GALNTL6: variants seen among roughly 807,000 people sequenced by gnomAD.
GALNTL6 encodes the protein polypeptide N-acetylgalactosaminyltransferase like 6.
Under a neutral mutation model 73.7 loss-of-function variants are expected in GALNTL6, and 46 were observed. The observed-to-expected ratio is 0.62, with a 90% CI of 0.49 to 0.80. The LOEUF is 0.80. Ranked by LOEUF, GALNTL6 falls within the 30% of genes least tolerant of loss-of-function variation. GALNTL6 has a pLI of 0.00. For synonymous variants in GALNTL6, 259 were observed against 263.7 expected (o/e 0.98, Z 0.17); for missense variants, 604 against 755.0 (o/e 0.80, Z 2.34).
At chr4:173,022,074 G>GGAAGGAAAGAAGGAAGGAAGGAAA (rs1561091693) in intron 12 of GALNTL6, among the ~76,000 whole-genome samples, 27 of 107,596 alleles carry the variant, frequency 2.5e-4, no homozygotes, top group African/African-American at 5.0e-4. Context: ...AAGGAAGGAA[G>GGAAGGAAAGAAGGAAGGAAGGAAA]GAAGGAAGGA....
Position 172,882,828 on chromosome 4 carries a change from G to A in GALNTL6, c.962G>A (p.Arg321Gln), listed in dbSNP as rs752243982. 2.0e-5 allele frequency: 33 copies of A among 1,612,800 alleles called. No individual in the cohort carries two copies. The highest frequency in any genetic ancestry group is 8.9e-5 in the East Asian group (4 of 44,860). Reference sequence around the variant, plus strand: ...GCTGGAGGTCTCTTTGCTGTGGATCGGAAATGGTTTTGGGAATTGGGTGGC... The same window carrying A: ...GCTGGAGGTCTCTTTGCTGTGGATCAGAAATGGTTTTGGGAATTGGGTGGC... ...VMAGGLFAVD[R>Q]KWFWELGGYD... Residue 321 changes from arginine to glutamine, a missense_variant, in exon 8 of 13, where the codon CGG becomes CAG. Physicochemically the swap from Arg to Gln is conservative, Grantham distance 43 (BLOSUM62 1). Around this residue, in one of 5 missense-constraint regions of GALNTL6, gnomAD observed 179 missense variants for 230.8 expected, o/e 0.78. Transcript: ENST00000506823.
chr4:172,762,156 A>C (rs1738146304), intron 5 of GALNTL6, among the ~76,000 whole-genome samples: 2 of 152,162 alleles, frequency 1.3e-5, no homozygotes, highest in Admixed American at 6.5e-5. Context: ...AAATTGGAGC[A>C]CTCTTATTTT....
At chr4:172,296,456 C>T (rs984500516) in intron 3 of GALNTL6, among the ~76,000 whole-genome samples, 5 of 152,136 alleles carry the variant, frequency 3.3e-5, no homozygotes, top group African/African-American at 4.8e-5. Flanking sequence ...TGGTGTGCTG[C>T]ACCCGTTAAC....
chr4:172,362,305 A>G (rs1742397702), intron 5 of GALNTL6, among the ~76,000 whole-genome samples: 1 of 152,178 alleles, frequency 6.6e-6, no homozygotes, highest in South Asian at 2.1e-4. Context: ...AACTCTTTAT[A>G]TGAGGATTTA....
rs571078374 is a variant in GALNTL6, at chr4:172,100,911, A to T, written c.139-128745A>T. Among the ~76,000 whole-genome samples, 296 of 152,306 alleles carry T rather than the reference A, an allele frequency of 1.9e-3. 1 individual carries two copies. The highest frequency in any genetic ancestry group is 6.7e-3 in the African/African-American group (277 of 41,574). ...AGGAGGGTGGAAATTCAGGGCAATT[A>T]GAAGATTCATTAAAATCTCGGGGCA... On this transcript the variant is annotated intron_variant, in intron 2 of 12. Transcript: ENST00000506823.
chr4:172,006,567 C>T (rs1740849621), intron 2 of GALNTL6, among the ~76,000 whole-genome samples: 1 of 151,970 alleles, frequency 6.6e-6, no homozygotes, highest in South Asian at 2.1e-4. Context: ...GTTGAGGCTG[C>T]AGTGAGCCTT....
intron 2 of GALNTL6, among the ~76,000 whole-genome samples, chr4:172,042,764 A>C (rs1193104271): frequency 6.8e-6 from 1 of 146,988 alleles, no homozygotes; most frequent in Non-Finnish European, 1.5e-5. Context: ...GACTATTCTG[A>C]TAGCCAACTC....
intron 5 of GALNTL6, among the ~76,000 whole-genome samples, chr4:172,741,801 A>C (rs1736821805): frequency 6.6e-6 from 1 of 152,026 alleles, no homozygotes; most frequent in Admixed American, 6.6e-5. Flanking sequence ...TCCGCCTAAG[A>C]ATAGAAGACA....
At chr4:172,049,232 A>AT (rs931070520) in intron 2 of GALNTL6, among the ~76,000 whole-genome samples, 5 of 146,184 alleles carry the variant, frequency 3.4e-5, no homozygotes, top group Non-Finnish European at 3.0e-5. Flanking sequence ...TGAAATAAAA[A>AT]TTTTTTTTTA....
intron 2 of GALNTL6, among the ~76,000 whole-genome samples, chr4:172,176,700 G>A (rs1028183249): frequency 1.8e-4 from 27 of 152,020 alleles, no homozygotes; most frequent in Non-Finnish European, 3.2e-4. Context: ...GAGGGAGGAG[G>A]ATCGCTGGAG....
intron 3 of GALNTL6, among the ~76,000 whole-genome samples, chr4:172,294,349 C>G (rs1739586477): frequency 6.6e-6 from 1 of 152,020 alleles, no homozygotes; most frequent in Admixed American, 6.6e-5. Flanking sequence ...ATTGTATTGC[C>G]CATTTTCTTA....
At chr4:171,942,241 G>GATACATAA (rs1370018816) in intron 2 of GALNTL6, among the ~76,000 whole-genome samples, 17 of 30,206 alleles carry the variant, frequency 5.6e-4, no homozygotes, top group African/African-American at 8.5e-4. Context: ...AAAATAAATA[G>GATACATAA]ATAAATAAAT....
At chr4:172,878,564 T>C (rs1229962022) in intron 7 of GALNTL6, among the ~76,000 whole-genome samples, 1 of 151,716 alleles carries the variant, frequency 6.6e-6, no homozygotes, top group African/African-American at 2.4e-5. Flanking sequence ...CAACATAAAT[T>C]GCAATAAAAG....
intron 5 of GALNTL6, among the ~76,000 whole-genome samples, chr4:172,497,800 A>T (rs550427726): frequency 6.6e-6 from 1 of 152,176 alleles, no homozygotes; most frequent in Admixed American, 6.5e-5. Flanking sequence ...GGTGATTACC[A>T]TGTTCTAAGT....
intron 5 of GALNTL6, among the ~76,000 whole-genome samples, chr4:172,454,186 C>G (rs1380029610): frequency 6.6e-6 from 1 of 152,140 alleles, no homozygotes; most frequent in Non-Finnish European, 1.5e-5. Flanking sequence ...TTTACTGTAG[C>G]TTGGGAATTA....
intron 7 of GALNTL6, among the ~76,000 whole-genome samples, chr4:172,871,446 T>C (rs1469710258): frequency 6.6e-6 from 1 of 151,932 alleles, no homozygotes; most frequent in Non-Finnish European, 1.5e-5. Flanking sequence ...ATGGCTATAC[T>C]GATCTACTTT....
chr4:171,947,818 A>G (rs1738750286), intron 2 of GALNTL6, among the ~76,000 whole-genome samples: 1 of 152,214 alleles, frequency 6.6e-6, no homozygotes. Context: ...GTGACGCACC[A>G]GAGCCCTATC....
chr4:172,976,108 C>T (rs1750798918), intron 10 of GALNTL6, among the ~76,000 whole-genome samples: 1 of 152,144 alleles, frequency 6.6e-6, no homozygotes, highest in African/African-American at 2.4e-5. Flanking sequence ...GTAGCTAGCT[C>T]CTTGACAGCC....
intron 5 of GALNTL6, among the ~76,000 whole-genome samples, chr4:172,402,790 A>C (rs1744087351): frequency 6.6e-6 from 1 of 152,104 alleles, no homozygotes; most frequent in African/African-American, 2.4e-5. Context: ...GTATCAGAAT[A>C]TTCAAAATAA....
Sources: allele counts gnomAD v4.1 joint callset (sites outside exome capture counted in the v4.1 genomes callset), GRCh38; gene constraint gnomAD v4.1.1; regional missense constraint gnomAD v4.1.1; transcripts MANE v1.5; gene names NCBI Gene and HGNC (gene_info 2026-07-23, HGNC 2026-07-21).